TNFRSF11A: variants seen among roughly 807,000 people sequenced by gnomAD.
The protein encoded by TNFRSF11A is tumor necrosis factor receptor superfamily member 11A.
A neutral mutation model predicts 55.7 loss-of-function variants in TNFRSF11A; 32 were observed. The observed-to-expected ratio is 0.57, with a 90% CI of 0.43 to 0.77. TNFRSF11A has a LOEUF of 0.77. Ranked by LOEUF, TNFRSF11A falls within the 30% of genes least tolerant of loss-of-function variation. The probability of loss-of-function intolerance (pLI) is 0.00; values close to 1 mark genes in which losing one functional copy is unlikely to be tolerated. For missense variants in TNFRSF11A, 753 were observed against 809.8 expected, an observed-to-expected ratio of 0.93 and a Z score of 0.85; for synonymous variants, 311 against 331.0, an observed-to-expected ratio of 0.94 and a Z score of 0.65.
chr18:62,365,904 G>A (rs895494943), intron 7 of TNFRSF11A, among the ~76,000 whole-genome samples: 14 of 152,012 alleles, frequency 9.2e-5, no homozygotes, highest in Non-Finnish European at 1.6e-4. Flanking sequence ...TGCAGCCTCC[G>A]CCTGCCAGGT....
chr18:62,336,967 G>C (rs1195891150), intron 1 of TNFRSF11A, among the ~76,000 whole-genome samples: 1 of 152,212 alleles, frequency 6.6e-6, no homozygotes, highest in Non-Finnish European at 1.5e-5. Flanking sequence ...GCCTGAGTCA[G>C]TGCTGTGCGC....
At chr18:62,367,992 C>G (rs764283261) in intron 8 of TNFRSF11A, among the ~76,000 whole-genome samples, 12 of 152,200 alleles carry the variant, frequency 7.9e-5, no homozygotes, top group Non-Finnish European at 1.5e-4. Flanking sequence ...CAGGGTTTCA[C>G]TGTGTTGCCC....
intron 1 of TNFRSF11A, among the ~76,000 whole-genome samples, chr18:62,340,322 G>A (rs554064483): frequency 2.0e-5 from 3 of 151,852 alleles, no homozygotes; most frequent in South Asian, 2.1e-4. Flanking sequence ...AGGCTCAAGC[G>A]ATCCTCCTGC....
At chr18:62,359,816 G>A (rs1315553526) in intron 5 of TNFRSF11A, 139 bp from the exon 6 acceptor site, 3 of 731,496 alleles carry the variant, frequency 4.1e-6, no homozygotes, top group Non-Finnish European at 7.4e-6. Flanking sequence ...CCTGTGGAAG[G>A]CACAGGGGAT....
At chr18:62,369,583 G>C in intron 9 of TNFRSF11A, 99 bp downstream of exon 9, 1 of 1,453,868 alleles carries the variant, frequency 6.9e-7, no homozygotes, top group Non-Finnish European at 9.4e-7. Flanking sequence ...GGAAGCTAAT[G>C]GGAAAACCTC....
chr18:62,359,819 CAG>C, intron 5 of TNFRSF11A, 134 bp from the exon 6 acceptor site: 1 of 745,360 alleles, frequency 1.3e-6, no homozygotes, highest in South Asian at 1.4e-5. Flanking sequence ...GTGGAAGGCA[CAG>C]GGGATTCAAA....
At chr18:62,362,829 CTTAT>C (rs990621878) in intron 7 of TNFRSF11A, among the ~76,000 whole-genome samples, 5 of 151,908 alleles carry the variant, frequency 3.3e-5, no homozygotes, top group African/African-American at 7.3e-5. Context: ...CAGTTGCTCT[CTTAT>C]TTATTTATTT....
chr18:62,340,505 T>TA (rs1280336552), intron 1 of TNFRSF11A, among the ~76,000 whole-genome samples: 3 of 150,682 alleles, frequency 2.0e-5, no homozygotes, highest in Non-Finnish European at 4.4e-5. Flanking sequence ...TTTTTTTTTT[T>TA]AATCAATTAT....
rs1387202484 is a variant in TNFRSF11A, at chr18:62,385,007, G to A, written c.1824G>A (p.Val608=). The part of the protein sequence containing the change: ...LREPEKASRP[V]QEQGGAKA The stretch of plus-strand genomic sequence containing the variant: ...AGCCGGAGAAGGCCTCGAGGCCGGT[G>A]CAGGAGCAAGGCGGGGCCAAGGCTT... The change falls in exon 10 of 10, where the codon GTG becomes GTA. Residue 608 remains valine, a synonymous_variant. Transcript: ENST00000586569. The A allele has an allele frequency of 1.3e-6, 2 of 1,483,030 alleles. No homozygotes were observed. Among genetic ancestry groups the A allele is most frequent in the Non-Finnish European group, 1.8e-6 (2 of 1,126,178 alleles). 91.9% of individuals were successfully genotyped at this position (1,483,030 alleles called of 1,614,324 possible).
At chr18:62,332,452 C>T (rs1367782846) in intron 1 of TNFRSF11A, among the ~76,000 whole-genome samples, 1 of 152,132 alleles carries the variant, frequency 6.6e-6, no homozygotes, top group East Asian at 1.9e-4. Flanking sequence ...GAATCAATTC[C>T]ATTTTTAAAG....
In TNFRSF11A at chr18:62,349,853, G is replaced by A. The variant is rs148445879; in HGVS notation, c.199G>A (p.Val67Ile). 1.9e-6 allele frequency: 3 copies of A among 1,614,034 alleles called. No homozygotes were observed. Among genetic ancestry groups the A allele is most frequent in the African/African-American group, 1.3e-5 (1 of 74,916 alleles). The part of the protein sequence containing the change: ...SSKCTTTSDS[V>I]CLPCGPDEYL... ...TAAATGCACTACTACCTCTGACAGT[G>A]TATGTCTGCCCTGTGGCCCGGATGA... Residue 67 changes from valine (V) to isoleucine (I), a missense_variant, in exon 3 of 10, where the codon GTA becomes ATA. Physicochemically the swap from Val to Ile is conservative, Grantham distance 29. Coordinates refer to ENST00000586569, the MANE Select transcript of TNFRSF11A (RefSeq NM_003839.4).
chr18:62,335,939 A>G (rs897960483), intron 1 of TNFRSF11A, among the ~76,000 whole-genome samples: 1 of 152,232 alleles, frequency 6.6e-6, no homozygotes, highest in Non-Finnish European at 1.5e-5. Context: ...ATCACCAGCC[A>G]TCTCAGCAAG....
intron 7 of TNFRSF11A, among the ~76,000 whole-genome samples, chr18:62,362,113 A>G (rs1477022394): frequency 6.6e-6 from 1 of 152,186 alleles, no homozygotes; most frequent in Non-Finnish European, 1.5e-5. Context: ...AGAATACATC[A>G]ATTTTTAATG....
chr18:62,355,085 C>A (rs12454677), intron 4 of TNFRSF11A, among the ~76,000 whole-genome samples: 6 of 152,026 alleles, frequency 3.9e-5, no homozygotes, highest in Admixed American at 6.6e-5. Flanking sequence ...TTTTTAAATG[C>A]GCCAATTGTA....
At chr18:62,349,361 T>C (rs1008046621) in intron 2 of TNFRSF11A, among the ~76,000 whole-genome samples, 2 of 151,984 alleles carry the variant, frequency 1.3e-5, no homozygotes, top group African/African-American at 4.8e-5. Context: ...TTTGTATCTT[T>C]AGTAGAGACG....
intron 9 of TNFRSF11A, among the ~76,000 whole-genome samples, chr18:62,379,492 T>A (rs1330296883): frequency 6.6e-6 from 1 of 152,238 alleles, no homozygotes; most frequent in African/African-American, 2.4e-5. Flanking sequence ...TGATTATTTC[T>A]ATGAAAACTA....
At chr18:62,340,903 G>C (rs1300754396) in intron 1 of TNFRSF11A, among the ~76,000 whole-genome samples, 1 of 152,166 alleles carries the variant, frequency 6.6e-6, no homozygotes, top group Admixed American at 6.5e-5. Context: ...TTATCCTCAC[G>C]GTCTCTTATA....
intron 9 of TNFRSF11A, among the ~76,000 whole-genome samples, chr18:62,376,888 C>T (rs938480567): frequency 2.6e-5 from 4 of 152,128 alleles, no homozygotes; most frequent in African/African-American, 9.7e-5. Context: ...AAGTTTCCTC[C>T]ATGTCTTTTC....
At chr18:62,334,407 C>T (rs1057294758) in intron 1 of TNFRSF11A, among the ~76,000 whole-genome samples, 3 of 152,122 alleles carry the variant, frequency 2.0e-5, no homozygotes, top group African/African-American at 4.8e-5. Context: ...CTGGGTGTAC[C>T]GCCTCAGAGG....
Sources: allele counts gnomAD v4.1 joint callset (sites outside exome capture counted in the v4.1 genomes callset), GRCh38; gene constraint gnomAD v4.1.1; transcripts MANE v1.5; gene names NCBI Gene and HGNC (gene_info 2026-07-23, HGNC 2026-07-21).